Variants in RANBP2 observed in about 807,000 individuals in gnomAD.
RANBP2 encodes the protein RAN binding protein 2.
Under a neutral mutation model 303.6 loss-of-function variants are expected in RANBP2, and 57 were observed. That is an observed-to-expected ratio of 0.19 (90% CI 0.15 to 0.23). The LOEUF is 0.23. Among genes scored for constraint, RANBP2 ranks in the 10% least tolerant of loss-of-function variants. The pLI is 1.00. For missense variants in RANBP2, 3,138 were observed against 3,780.8 expected (o/e 0.83, Z 4.46); for synonymous variants, 1,167 against 1,301.5 (o/e 0.90, Z 2.23).
At chr2:109,695,227 T>A in the RANBP2 span, among the ~76,000 whole-genome samples, 7,456 of 152,282 alleles carry the variant, frequency 0.049, 535 homozygotes, top group African/African-American at 0.16. Flanking sequence ...AACATTTCTA[T>A]ATTGGCTGCT....
At chr2:108,907,805 C>A in the RANBP2 span, 1 of 1,602,442 alleles carries the variant, frequency 6.2e-7, no homozygotes, top group Admixed American at 1.7e-5. Context: ...TTTAGTCTTG[C>A]GGCTGTGAGG....
chr2:109,520,456 C>CG, the RANBP2 span, among the ~76,000 whole-genome samples: 1 of 151,470 alleles, frequency 6.6e-6, no homozygotes, highest in African/African-American at 2.4e-5. Flanking sequence ...AAAAATTAGC[C>CG]GGGGGTGGTG....
At chr2:108,935,635 A>G in the RANBP2 span, among the ~76,000 whole-genome samples, 91 of 152,172 alleles carry the variant, frequency 6.0e-4, no homozygotes, top group East Asian at 0.017. Flanking sequence ...TGCCGTCATT[A>G]GCACCCCTTT....
At chr2:109,515,567 C>G in the RANBP2 span, among the ~76,000 whole-genome samples, 1 of 152,092 alleles carries the variant, frequency 6.6e-6, no homozygotes, top group Admixed American at 6.5e-5. Context: ...CGCCTCATCC[C>G]CTCAGCCAGA....
the RANBP2 span, among the ~76,000 whole-genome samples, chr2:109,393,217 T>C: frequency 6.6e-6 from 1 of 152,168 alleles, no homozygotes; most frequent in African/African-American, 2.4e-5. Flanking sequence ...GAGTGGGAGC[T>C]TCAGGGTAAG....
At chr2:109,064,480 A>G in the RANBP2 span, among the ~76,000 whole-genome samples, 3,845 of 139,740 alleles carry the variant, frequency 0.028, 88 homozygotes, top group Non-Finnish European at 0.042. Context: ...AACAAAAACA[A>G]ACTGGTAAAT....
chr2:109,305,318 G>C, the RANBP2 span, among the ~76,000 whole-genome samples: 1 of 152,098 alleles, frequency 6.6e-6, no homozygotes, highest in African/African-American at 2.4e-5. Flanking sequence ...TTCCCTGAGA[G>C]GATGAAGCGC....
the RANBP2 span, among the ~76,000 whole-genome samples, chr2:109,066,789 G>A: frequency 6.6e-6 from 1 of 152,256 alleles, no homozygotes; most frequent in East Asian, 1.9e-4. Context: ...TACAGGAGGA[G>A]ATTATGACAG....
the RANBP2 span, among the ~76,000 whole-genome samples, chr2:109,721,777 C>T: frequency 6.6e-6 from 1 of 152,232 alleles, no homozygotes; most frequent in Non-Finnish European, 1.5e-5. Flanking sequence ...TCAGAGGGAA[C>T]ACCATAGCCC....
the RANBP2 span, among the ~76,000 whole-genome samples, chr2:109,115,423 G>A: frequency 1.3e-5 from 2 of 152,106 alleles, no homozygotes; most frequent in African/African-American, 4.8e-5. Flanking sequence ...TTGGTTTAAA[G>A]TCTGTTTTAT....
chr2:109,153,957 C>T, the RANBP2 span, among the ~76,000 whole-genome samples: 1,194 of 152,304 alleles, frequency 7.8e-3, 13 homozygotes, highest in East Asian at 0.035. Context: ...AATTTCATTA[C>T]GTGACCACAG....
the RANBP2 span, among the ~76,000 whole-genome samples, chr2:109,266,406 A>G: frequency 6.6e-6 from 1 of 152,040 alleles, no homozygotes; most frequent in Non-Finnish European, 1.5e-5. Context: ...GTGTCCTCCG[A>G]TACAACAAGA....
At chr2:109,447,186 G>T in the RANBP2 span, among the ~76,000 whole-genome samples, 1 of 128,172 alleles carries the variant, frequency 7.8e-6, no homozygotes. Flanking sequence ...AAAAGAAAAA[G>T]AAAACAGAAA....
chr2:108,824,206 G>GTA, the RANBP2 span, among the ~76,000 whole-genome samples: 3 of 152,072 alleles, frequency 2.0e-5, no homozygotes, highest in Admixed American at 2.0e-4. Context: ...TTAGCTTACT[G>GTA]TAATCTTTTT....
the RANBP2 span, among the ~76,000 whole-genome samples, chr2:109,029,448 T>C: frequency 2.2e-4 from 33 of 152,342 alleles, no homozygotes; most frequent in South Asian, 6.6e-3. Flanking sequence ...TGGCTGACAC[T>C]GATGCCTGAA....
the RANBP2 span, among the ~76,000 whole-genome samples, chr2:109,706,920 G>T: frequency 1.3e-5 from 2 of 152,110 alleles, no homozygotes; most frequent in Non-Finnish European, 2.9e-5. Flanking sequence ...CCCAGTTTCA[G>T]TTCCACCGAG....
At chr2:108,867,171 G>A in the RANBP2 span, among the ~76,000 whole-genome samples, 1 of 152,050 alleles carries the variant, frequency 6.6e-6, no homozygotes, top group Non-Finnish European at 1.5e-5. Flanking sequence ...GAGAAATTAA[G>A]TGACTTATTT....
At chr2:109,251,423 T>C in the RANBP2 span, 1 of 706,860 alleles carries the variant, frequency 1.4e-6, no homozygotes, top group Non-Finnish European at 2.7e-6. Flanking sequence ...GTAGACACCA[T>C]GAGCAAAGCT....
At chr2:109,148,325 C>T in the RANBP2 span, among the ~76,000 whole-genome samples, 1 of 152,240 alleles carries the variant, frequency 6.6e-6, no homozygotes, top group Non-Finnish European at 1.5e-5. Context: ...CTGCAGCCAG[C>T]CCAGGCCAGA....
Sources: gnomAD v4.1 joint callset for allele counts (sites outside exome capture counted in the v4.1 genomes callset) on GRCh38, gnomAD v4.1.1 for gene constraint, MANE v1.5 for transcripts, NCBI Gene and HGNC (gene_info 2026-07-23, HGNC 2026-07-21) for gene names.